SLC15A2: variants seen among roughly 807,000 people sequenced by gnomAD.
SLC15A2 encodes the protein solute carrier family 15 member 2.
Under a neutral mutation model 95.5 loss-of-function variants are expected in SLC15A2, and 77 were observed. That is an observed-to-expected ratio of 0.81 (90% CI 0.67 to 0.97). SLC15A2 has a LOEUF of 0.97. Among genes scored for constraint, SLC15A2 ranks in the 50% least tolerant of loss-of-function variants. The probability of loss-of-function intolerance (pLI) is 0.00; values close to 1 mark genes in which losing one functional copy is unlikely to be tolerated. For synonymous variants in SLC15A2, 306 were observed against 306.9 expected (o/e 1.00, Z 0.03); for missense variants, 893 against 874.4 (o/e 1.02, Z -0.27).
intron 3 of SLC15A2, among the ~76,000 whole-genome samples, chr3:121,899,296 C>A (rs1709478882): frequency 6.6e-6 from 1 of 152,022 alleles, no homozygotes; most frequent in Non-Finnish European, 1.5e-5. Flanking sequence ...ATAAAGTACA[C>A]AAATTCAAAA....
Position 121,941,069 on chromosome 3 carries a change from T to G in SLC15A2, c.*62T>G. On this transcript the variant is annotated 3_prime_UTR_variant, in exon 22 of 22. Transcript: ENST00000489711. ...CCCTGTCTTGAAGCATTTTTTTTCTTCTACTGGATTAGACAAGAGAGATAG... is the reference window on the plus strand; with the variant it reads ...CCCTGTCTTGAAGCATTTTTTTTCTGCTACTGGATTAGACAAGAGAGATAG... 6.8e-7 allele frequency: 1 copy of G among 1,467,868 alleles called. No individual in the cohort carries two copies. Among genetic ancestry groups the G allele is most frequent in the South Asian group, 1.3e-5 (1 of 77,226 alleles). The allele number at this position is 1,467,868 out of a possible 1,614,324, so 90.9% of individuals were successfully genotyped here.
intron 3 of SLC15A2, among the ~76,000 whole-genome samples, chr3:121,903,758 G>T (rs1309077886): frequency 1.3e-5 from 2 of 152,184 alleles, no homozygotes; most frequent in African/African-American, 4.8e-5. Context: ...CTGTCGCCTT[G>T]TAGTATAGTT....
chr3:121,915,319 T>C lies in SLC15A2; in HGVS notation c.619+2T>C. 6.3e-7 allele frequency: 1 copy of C among 1,577,598 alleles called. No homozygotes were observed. The highest frequency in any genetic ancestry group is 1.7e-4 in the Middle Eastern group (1 of 6,016). ...CATTTATCACACCCATGCTGAGAGG[T>C]TAGGATTTTTTTGAGGGGCCCTGTA... On this transcript the variant is annotated splice_donor_variant, in intron 6 of 21. Transcript: ENST00000489711. LOFTEE classifies it high-confidence loss of function.
intron 3 of SLC15A2, among the ~76,000 whole-genome samples, chr3:121,903,704 G>A (rs1709567386): frequency 6.6e-6 from 1 of 152,088 alleles, no homozygotes; most frequent in African/African-American, 2.4e-5. Flanking sequence ...TGTTCCATTG[G>A]TCTATATATG....
intron 19 of SLC15A2, among the ~76,000 whole-genome samples, chr3:121,936,602 T>A (rs1483991146): frequency 1.3e-5 from 2 of 152,110 alleles, no homozygotes; most frequent in Non-Finnish European, 2.9e-5. Flanking sequence ...GCATTTTTTT[T>A]TTTCCATTTG....
chr3:121,941,846 AT>A lies in SLC15A2; in HGVS notation c.*840del, dbSNP rs1232323939. ...CCTTCAGTGAACAGTTGTATAAACA[AT>A]AATTATAATTTGCAACCTTGTCTTG... On this transcript the variant is annotated 3_prime_UTR_variant, in exon 22 of 22. Coordinates refer to ENST00000489711, the MANE Select transcript of SLC15A2 (RefSeq NM_021082.4). 1 of 152,232 alleles carries A rather than the reference AT, an allele frequency of 6.6e-6. No individual in the cohort carries two copies. The highest frequency in any genetic ancestry group is 1.5e-5 in the Non-Finnish European group (1 of 68,034). The allele number at this position is 152,232 out of a possible 1,614,324, so 9.4% of individuals were successfully genotyped here.
At position 121,896,423 on chromosome 3, in the gene SLC15A2, C is replaced by T. The variant is rs759135652; in HGVS notation, c.123C>T (p.Asn41=). 1.9e-6 allele frequency: 3 copies of T among 1,613,764 alleles called. No individual in the cohort carries two copies. Among genetic ancestry groups the T allele is most frequent in the Non-Finnish European group, 2.5e-6 (3 of 1,179,636 alleles). ...TTGAATAGACAATCTGTGGCTCCAA[C>T]TATCCACTGAGCATTGCCTTCATTG... is the stretch of plus-strand genomic sequence containing the variant. ...KKPSPTICGS[N]YPLSIAFIVV... Residue 41 remains asparagine (N), a synonymous_variant, in exon 2 of 22, where the codon AAC becomes AAT. Coordinates refer to ENST00000489711, the MANE Select transcript of SLC15A2 (RefSeq NM_021082.4).
intron 19 of SLC15A2, among the ~76,000 whole-genome samples, chr3:121,933,481 G>A (rs1710273427): frequency 6.6e-6 from 1 of 151,938 alleles, no homozygotes; most frequent in African/African-American, 2.4e-5. Flanking sequence ...GTATCTCATT[G>A]TGGTTTTGAT....
At chr3:121,916,027 T>C (rs987194715) in intron 7 of SLC15A2, among the ~76,000 whole-genome samples, 7 of 152,186 alleles carry the variant, frequency 4.6e-5, no homozygotes, top group Non-Finnish European at 1.0e-4. Flanking sequence ...TGCTCTACAC[T>C]ACAATATATA....
chr3:121,913,255 A>T lies in SLC15A2; in HGVS notation c.528+135A>T, dbSNP rs1177587441. ...TCTGAGCAGTTGTATTCAATGCTGG[A>T]TACTGGCCATTAATAGTGAGGAAAA... is the stretch of plus-strand genomic sequence containing the variant. On this transcript the variant is annotated intron_variant, in intron 5 of 21. Coordinates refer to ENST00000489711, the MANE Select transcript of SLC15A2 (RefSeq NM_021082.4). The T allele has an allele frequency of 6.3e-6, 4 of 633,594 alleles. No homozygotes were observed. In the Admixed American group the frequency reaches 7.5e-5, roughly 12 times the overall value. The allele number at this position is 633,594 out of a possible 1,614,324, so 39.2% of individuals were successfully genotyped here.
intron 3 of SLC15A2, among the ~76,000 whole-genome samples, chr3:121,907,966 A>G (rs1424741846): frequency 6.6e-6 from 1 of 152,240 alleles, no homozygotes; most frequent in African/African-American, 2.4e-5. Flanking sequence ...TTGTTCCGCT[A>G]TGCCCTGACC....
intron 3 of SLC15A2, among the ~76,000 whole-genome samples, 169 bp downstream of exon 3, chr3:121,897,698 G>A (rs1709445656): frequency 6.6e-6 from 1 of 152,130 alleles, no homozygotes; most frequent in Admixed American, 6.6e-5. Flanking sequence ...AATCTCTGTG[G>A]TAACAAGGAA....
At position 121,943,612 on chromosome 3, in the gene SLC15A2, G is replaced by T. The variant is rs1338994260; in HGVS notation, c.*2605G>T. 3 of 152,194 alleles carry T rather than the reference G, an allele frequency of 2.0e-5. No homozygotes were observed. The South Asian group carries it at 6.2e-4, about 32-fold the overall frequency. The allele number at this position is 152,194 out of a possible 1,614,324, so 9.4% of individuals were successfully genotyped here. The stretch of plus-strand genomic sequence containing the variant: ...AATGCAGTGTAAGGTAACATGAGTT[G>T]TTTTTGGAAACTACATCATAATGTG... On this transcript the variant is annotated 3_prime_UTR_variant, in exon 22 of 22. Transcript: ENST00000489711.
chr3:121,921,285 C>T (rs943564204), intron 7 of SLC15A2, among the ~76,000 whole-genome samples: 1 of 151,986 alleles, frequency 6.6e-6, no homozygotes, highest in Non-Finnish European at 1.5e-5. Flanking sequence ...AGGACAGGGA[C>T]CTTGTTTTTT....
chr3:121,927,087 C>G (rs558768826), intron 13 of SLC15A2, among the ~76,000 whole-genome samples: 67 of 152,272 alleles, frequency 4.4e-4, no homozygotes, highest in Middle Eastern at 3.4e-3. Flanking sequence ...ATTTTATAGG[C>G]TCATGGGTGG....
chr3:121,919,367 A>T (rs952990313), intron 7 of SLC15A2, among the ~76,000 whole-genome samples: 1 of 152,176 alleles, frequency 6.6e-6, no homozygotes, highest in African/African-American at 2.4e-5. Flanking sequence ...CCAGAGAGTG[A>T]GTAAAGCAGA....
intron 4 of SLC15A2, 87 bp from the exon 5 acceptor site, chr3:121,912,934 C>A: frequency 1.1e-6 from 1 of 874,496 alleles, no homozygotes; most frequent in Non-Finnish European, 1.9e-6. Context: ...CCCTTGTACA[C>A]ATTTTTTCCC....
At chr3:121,897,326 A>G in intron 2 of SLC15A2, 62 bp from the exon 3 acceptor site, 2 of 1,575,428 alleles carry the variant, frequency 1.3e-6, no homozygotes, top group South Asian at 2.3e-5. Flanking sequence ...TTTTTCCATA[A>G]GTCACTTTAA....
At chr3:121,933,645 G>T (rs1262855253) in intron 19 of SLC15A2, among the ~76,000 whole-genome samples, 1 of 151,262 alleles carries the variant, frequency 6.6e-6, no homozygotes, top group Non-Finnish European at 1.5e-5. Context: ...TGAGTTCATT[G>T]TAGATTCTGG....
Sources: allele counts gnomAD v4.1 joint callset (sites outside exome capture counted in the v4.1 genomes callset), GRCh38; gene constraint gnomAD v4.1.1; transcripts MANE v1.5; gene names NCBI Gene and HGNC (gene_info 2026-07-23, HGNC 2026-07-21).